TEX48: variants seen among roughly 807,000 people sequenced by gnomAD.
TEX48 encodes testis-expressed protein 48.
In TEX48, 10 loss-of-function variants were observed where a neutral mutation model predicts 13.2. The observed-to-expected ratio is 0.75, with a 90% confidence interval of 0.47 to 1.28. The LOEUF (loss-of-function observed/expected upper bound fraction) is 1.28. TEX48 is among the 50% of genes most tolerant of loss of function. The pLI is 0.00. For missense variants in TEX48, 116 were observed against 139.4 expected (o/e 0.83, Z 0.84); for synonymous variants, 45 against 52.3 (o/e 0.86, Z 0.60).
chr9:114,669,192 C>T (rs1827897967), intron 3 of TEX48, among the ~76,000 whole-genome samples: 1 of 152,104 alleles, frequency 6.6e-6, no homozygotes, highest in African/African-American at 2.4e-5. Flanking sequence ...TTTCTCATGT[C>T]ACTAAATTTA....
chr9:114,667,066 C>T (rs1362296298), intron 4 of TEX48, among the ~76,000 whole-genome samples: 2 of 152,168 alleles, frequency 1.3e-5, no homozygotes, highest in African/African-American at 4.8e-5. Flanking sequence ...GTGGGAAGTC[C>T]CTTTCCCTCT....
At position 114,671,456 on chromosome 9, in the gene TEX48, G is replaced by A. The variant is rs1827944619; in HGVS notation, c.54C>T (p.Asp18=). 21 of 1,535,466 alleles carry A rather than the reference G, an allele frequency of 1.4e-5. No homozygotes were observed. Among genetic ancestry groups the A allele is most frequent in the Non-Finnish European group, 1.8e-5 (21 of 1,146,866 alleles). ...ILKIFCLCCR[D]CQEPYAINDS... ...CATTGATGGCATAGGGCTCCTGACA[G>A]TCCCTGCAGCATAAACAGAAGATCT... The change falls in exon 3 of 5, where the codon GAC becomes GAT. Residue 18 remains aspartate (D), a synonymous_variant. Transcript: ENST00000436752.
At chr9:114,681,028 G>A (rs567837931) in intron 1 of TEX48, among the ~76,000 whole-genome samples, 1 of 152,250 alleles carries the variant, frequency 6.6e-6, no homozygotes, top group African/African-American at 2.4e-5. Flanking sequence ...TTCAGTTTTT[G>A]TTTCATGTAG....
At chr9:114,667,122 G>A (rs1827855694) in intron 4 of TEX48, among the ~76,000 whole-genome samples, 1 of 152,328 alleles carries the variant, frequency 6.6e-6, no homozygotes, top group South Asian at 2.1e-4. Context: ...GAAGGAAGGA[G>A]TGGGCGAGCT....
chr9:114,669,666 C>T (rs922498735), intron 3 of TEX48, among the ~76,000 whole-genome samples: 6 of 152,108 alleles, frequency 3.9e-5, no homozygotes, highest in African/African-American at 1.4e-4. Context: ...GTCTCAAACT[C>T]CCAACCTCAG....
chr9:114,676,479 C>CT (rs904071538), intron 1 of TEX48, among the ~76,000 whole-genome samples: 76 of 148,322 alleles, frequency 5.1e-4, no homozygotes, highest in African/African-American at 1.6e-3. Flanking sequence ...AAGCTTTTTT[C>CT]TTTTTTTTTT....
chr9:114,680,612 A>C (rs1455057305), intron 1 of TEX48, among the ~76,000 whole-genome samples: 1 of 152,236 alleles, frequency 6.6e-6, no homozygotes, highest in Non-Finnish European at 1.5e-5. Flanking sequence ...TGTGTTTTCA[A>C]GAAAAGCCAA....
chr9:114,671,515 G>A lies in TEX48; in HGVS notation c.5-10C>T, dbSNP rs1375135491. ...AGGTTTTGGTGGGCTGCTGTTGGAG[G>A]CAAAGGAATGAGGGGCATGGGTTCC... On this transcript the variant is annotated splice_polypyrimidine_tract_variant and intron_variant, in intron 2 of 4. Transcript: ENST00000436752. 1 of 1,498,370 alleles carries A rather than the reference G, an allele frequency of 6.7e-7. No homozygotes were observed. Among genetic ancestry groups the A allele is most frequent in the Non-Finnish European group, 8.8e-7 (1 of 1,134,352 alleles). The allele number at this position is 1,498,370 out of a possible 1,614,324, so 92.8% of individuals were successfully genotyped here. A position where few individuals can be genotyped will look rare whatever the true frequency, so the allele number is the denominator to read the frequency against.
At chr9:114,674,298 C>G (rs74591861) in intron 1 of TEX48, among the ~76,000 whole-genome samples, 10,639 of 152,176 alleles carry the variant, frequency 0.07, 463 homozygotes, top group African/African-American at 0.12. Context: ...ATTTGCCCCC[C>G]CTGCTGAGTT....
At position 114,668,078 on chromosome 9, in the gene TEX48, C is replaced by T; in HGVS notation, c.259+128G>A. ...AGTGTGCTCTGGAATATGACTGGGG[C>T]TGCTTGATGGGAGCAATTCCATCTC... On this transcript the variant is annotated intron_variant, in intron 4 of 4. Coordinates refer to ENST00000436752, the MANE Select transcript of TEX48 (RefSeq NM_001199233.2). 4 of 1,204,518 alleles carry T rather than the reference C, an allele frequency of 3.3e-6. No homozygotes were observed. In the East Asian group the frequency reaches 7.7e-5, roughly 23 times the overall value. 74.6% of individuals were successfully genotyped at this position (1,204,518 alleles called of 1,614,324 possible). A position where few individuals can be genotyped will look rare whatever the true frequency, so the allele number is the denominator to read the frequency against.
chr9:114,681,720 C>A (rs891941272), intron 1 of TEX48, among the ~76,000 whole-genome samples: 2 of 151,846 alleles, frequency 1.3e-5, no homozygotes, highest in Non-Finnish European at 2.9e-5. Context: ...AAGAAGAGGG[C>A]CCTTGGGTTG....
chr9:114,680,939 C>T (rs1828187045), intron 1 of TEX48, among the ~76,000 whole-genome samples: 1 of 152,188 alleles, frequency 6.6e-6, no homozygotes, highest in Non-Finnish European at 1.5e-5. Context: ...CTCCCAAAGC[C>T]CCTTATGCAT....
In TEX48 at chr9:114,679,381, A is replaced by G. The variant is rs559533590; in HGVS notation, c.-105+2654T>C. Reference sequence around the variant, plus strand: ...TTTGGAGTCTGTGGAGAACACTTGCACTTACTGTATGCAGAAAGGCCATTA... The same window carrying G: ...TTTGGAGTCTGTGGAGAACACTTGCGCTTACTGTATGCAGAAAGGCCATTA... On this transcript the variant is annotated intron_variant, in intron 1 of 4. Transcript: ENST00000436752. 2.0e-5 allele frequency among the ~76,000 whole-genome samples: 3 copies of G among 151,640 alleles called. No individual in the cohort carries two copies. The East Asian group carries it at 5.8e-4, about 29-fold the overall frequency.
chr9:114,678,639 T>G (rs2133767636), intron 1 of TEX48, among the ~76,000 whole-genome samples: 1 of 152,126 alleles, frequency 6.6e-6, no homozygotes, highest in Middle Eastern at 3.4e-3. Context: ...TGCTTGAGTT[T>G]TGGAGTTTGA....
chr9:114,668,097 C>G, intron 4 of TEX48, 109 bp downstream of exon 4: 2 of 1,358,286 alleles, frequency 1.5e-6, no homozygotes, highest in Non-Finnish European at 2.0e-6. Flanking sequence ...GGGAGCAATT[C>G]CATCTCCCCA....
At position 114,671,816 on chromosome 9, in the gene TEX48, CTGGGCTGT is replaced by C; in HGVS notation, c.-101_-94del. ...TTGAGTTTGAGCCCAGTTCACTGGG[CTGGGCTGT>C]TTCCTAAGTAAACATAAGACCGTGG... On this transcript the variant is annotated 5_prime_UTR_variant, in exon 2 of 5. An upstream open reading frame in the 5' UTR loses its in-frame stop. Transcript: ENST00000436752. The C allele has an allele frequency of 7.1e-7, 1 of 1,409,088 alleles. No individual in the cohort carries two copies. Among genetic ancestry groups the C allele is most frequent in the Non-Finnish European group, 9.7e-7 (1 of 1,032,132 alleles). 87.3% of individuals were successfully genotyped at this position (1,409,088 alleles called of 1,614,324 possible).
intron 1 of TEX48, among the ~76,000 whole-genome samples, 199 bp downstream of exon 1, chr9:114,681,836 G>A (rs1262652581): frequency 6.6e-6 from 1 of 151,012 alleles, no homozygotes; most frequent in Non-Finnish European, 1.5e-5. Flanking sequence ...GCGGGCGGGG[G>A]TGGGGGAGGT....
At chr9:114,672,421 A>G (rs1229361672) in intron 1 of TEX48, among the ~76,000 whole-genome samples, 1 of 152,166 alleles carries the variant, frequency 6.6e-6, no homozygotes, top group Non-Finnish European at 1.5e-5. Flanking sequence ...TTATTTGTGT[A>G]TCAAGTTTTT....
At chr9:114,670,828 G>A (rs77225908) in intron 3 of TEX48, among the ~76,000 whole-genome samples, 1 of 152,140 alleles carries the variant, frequency 6.6e-6, no homozygotes. Flanking sequence ...TGCATGTTGA[G>A]TGCCTACTCT....
Sources: gnomAD v4.1 joint callset for allele counts (sites outside exome capture counted in the v4.1 genomes callset) on GRCh38, gnomAD v4.1.1 for gene constraint, MANE v1.5 for transcripts, NCBI Gene and HGNC (gene_info 2026-07-23, HGNC 2026-07-21) for gene names.